Variants in COL5A2 observed in about 807,000 individuals in gnomAD.
COL5A2 encodes the protein collagen type V alpha 2 chain.
In COL5A2, 23 loss-of-function variants were observed where a neutral mutation model predicts 208.2. The observed-to-expected ratio is 0.11, with a 90% CI of 0.08 to 0.16. The LOEUF (loss-of-function observed/expected upper bound fraction) is 0.16. COL5A2 is among the 10% of genes least tolerant of loss of function. COL5A2 has a pLI of 1.00. For missense variants in COL5A2, 1,590 were observed against 1,956.4 expected (o/e 0.81, Z 3.53); for synonymous variants, 625 against 628.5 (o/e 0.99, Z 0.08).
chr2:189,145,356 C>G (rs375171149), intron 1 of COL5A2, among the ~76,000 whole-genome samples: 2 of 152,182 alleles, frequency 1.3e-5, no homozygotes, highest in African/African-American at 4.8e-5. Flanking sequence ...TTCAAGGCAG[C>G]GTTCACTGAA....
chr2:189,145,572 A>T (rs190215901), intron 1 of COL5A2, among the ~76,000 whole-genome samples: 43 of 152,220 alleles, frequency 2.8e-4, no homozygotes, highest in Non-Finnish European at 5.1e-4. Context: ...TTGCTATATA[A>T]TCAGTGTCTA....
At chr2:189,367,398 T>C in the COL5A2 span, among the ~76,000 whole-genome samples, 1 of 152,202 alleles carries the variant, frequency 6.6e-6, no homozygotes, top group Non-Finnish European at 1.5e-5. Context: ...TAAAGCAAAA[T>C]TCCACATATT....
chr2:189,201,864 AC>A (rs1310467173), intron 1 of COL5A2, among the ~76,000 whole-genome samples: 1 of 151,942 alleles, frequency 6.6e-6, no homozygotes, highest in Non-Finnish European at 1.5e-5. Context: ...CATCTGAGGT[AC>A]AAAAGGAAAA....
chr2:189,358,991 T>C, the COL5A2 span, among the ~76,000 whole-genome samples: 4,311 of 152,290 alleles, frequency 0.028, 95 homozygotes, highest in South Asian at 0.047. Context: ...TAGGATTTCC[T>C]ATATATAAGA....
intron 1 of COL5A2, among the ~76,000 whole-genome samples, chr2:189,115,629 C>G (rs1687374107): frequency 6.6e-6 from 1 of 152,112 alleles, no homozygotes; most frequent in Admixed American, 6.5e-5. Flanking sequence ...AATTTTAAAT[C>G]TCTTATTCAG....
intron 53 of COL5A2, 87 bp downstream of exon 53, chr2:189,034,829 G>GC (rs1685410266): frequency 4.6e-6 from 7 of 1,508,392 alleles, no homozygotes; most frequent in Non-Finnish European, 6.4e-6. Context: ...AGGTAAAATT[G>GC]CCCCCAGTTC....
chr2:189,252,211 T>G, the COL5A2 span, among the ~76,000 whole-genome samples: 1 of 152,176 alleles, frequency 6.6e-6, no homozygotes, highest in Non-Finnish European at 1.5e-5. Flanking sequence ...TGGTGATTCC[T>G]CAAGGATCTA....
At chr2:189,259,963 AG>A in the COL5A2 span, among the ~76,000 whole-genome samples, 13 of 152,218 alleles carry the variant, frequency 8.5e-5, no homozygotes, top group African/African-American at 3.1e-4. Context: ...GAAAAGAGAA[AG>A]AAGAGGGCAA....
chr2:189,415,013 TAG>T, the COL5A2 span, among the ~76,000 whole-genome samples: 68 of 152,242 alleles, frequency 4.5e-4, 1 homozygote, highest in African/African-American at 1.6e-3. Context: ...TAAGAAGCAT[TAG>T]TGAACTATAG....
intron 5 of COL5A2, among the ~76,000 whole-genome samples, chr2:189,097,991 T>C (rs1686955441): frequency 6.6e-6 from 1 of 152,228 alleles, no homozygotes; most frequent in African/African-American, 2.4e-5. Context: ...ATGACTATTA[T>C]ATTTCAAAAG....
At chr2:189,108,969 GTTTT>G (rs5837126) in intron 2 of COL5A2, among the ~76,000 whole-genome samples, 1 of 139,678 alleles carries the variant, frequency 7.2e-6, no homozygotes. Context: ...ACTTTATTAA[GTTTT>G]TTTTTTTTTT....
At chr2:189,406,192 G>A in the COL5A2 span, among the ~76,000 whole-genome samples, 1 of 152,074 alleles carries the variant, frequency 6.6e-6, no homozygotes. Flanking sequence ...TATCAAACAT[G>A]TGTTGGAAAT....
chr2:189,370,334 A>G, the COL5A2 span, among the ~76,000 whole-genome samples: 1 of 152,144 alleles, frequency 6.6e-6, no homozygotes, highest in African/African-American at 2.4e-5. Context: ...AAAAATATCT[A>G]TTTCATAGAG....
At chr2:189,367,631 C>A in the COL5A2 span, among the ~76,000 whole-genome samples, 1 of 152,188 alleles carries the variant, frequency 6.6e-6, no homozygotes, top group Non-Finnish European at 1.5e-5. Context: ...GAGCTTAGCT[C>A]CAAGACAAGC....
intron 1 of COL5A2, among the ~76,000 whole-genome samples, chr2:189,114,164 C>T (rs931255655): frequency 2.6e-5 from 4 of 152,114 alleles, no homozygotes; most frequent in Non-Finnish European, 4.4e-5. Flanking sequence ...AGCAAGGAGA[C>T]GAAAAACCAC....
intron 1 of COL5A2, among the ~76,000 whole-genome samples, chr2:189,216,243 G>A (rs375269673): frequency 2.6e-4 from 40 of 152,204 alleles, no homozygotes; most frequent in African/African-American, 9.6e-4. Context: ...TGACAGCTAT[G>A]TGGAATGATT....
Position 189,080,036 on chromosome 2 carries a change from G to T in COL5A2, c.907-5C>A, listed in dbSNP as rs756538217. ...GCCTTCAAGACCTTTGTGTCCCTGA[G>T]AATAAAAATGTAAATTTGTATTTGT... On this transcript the variant is annotated splice_polypyrimidine_tract_variant and splice_region_variant and intron_variant, in intron 13 of 53. Transcript: ENST00000374866. The T allele has an allele frequency of 1.4e-5, 23 of 1,610,410 alleles. No individual in the cohort carries two copies. The highest frequency in any genetic ancestry group is 1.4e-5 in the Non-Finnish European group (17 of 1,177,076).
At chr2:189,295,948 G>GT in the COL5A2 span, among the ~76,000 whole-genome samples, 8 of 151,488 alleles carry the variant, frequency 5.3e-5, no homozygotes, top group Non-Finnish European at 7.4e-5. Flanking sequence ...CACAGATGTG[G>GT]TTTTTTTGTA....
chr2:189,077,756 G>T (rs1559092923), intron 16 of COL5A2, among the ~76,000 whole-genome samples: 1 of 152,098 alleles, frequency 6.6e-6, no homozygotes, highest in Non-Finnish European at 1.5e-5. Context: ...GCTCTGAGGT[G>T]GTTGTCCTCT....
Sources: gnomAD v4.1 joint callset for allele counts (sites outside exome capture counted in the v4.1 genomes callset) on GRCh38, gnomAD v4.1.1 for gene constraint, MANE v1.5 for transcripts, NCBI Gene and HGNC (gene_info 2026-07-23, HGNC 2026-07-21) for gene names.